The following SLC4A4 variants were observed in gnomAD, a reference collection of about 807,000 sequenced individuals.
The protein encoded by SLC4A4 is electrogenic sodium bicarbonate cotransporter 1.
In SLC4A4, 27 loss-of-function variants were observed where a neutral mutation model predicts 111.5. That is an observed-to-expected ratio of 0.24 (90% CI 0.18 to 0.33). SLC4A4 has a LOEUF of 0.33. Among genes scored for constraint, SLC4A4 ranks in the 10% least tolerant of loss-of-function variants. SLC4A4 has a pLI of 1.00. For synonymous variants in SLC4A4, 443 were observed against 463.4 expected (o/e 0.96, Z 0.57); for missense variants, 909 against 1,315.5 (o/e 0.69, Z 4.78).
At chr4:71,509,520 T>C (rs926279731) in intron 16 of SLC4A4, among the ~76,000 whole-genome samples, 4 of 152,178 alleles carry the variant, frequency 2.6e-5, no homozygotes, top group African/African-American at 9.6e-5. Context: ...AGCTTAATTT[T>C]TGTAAGCAAT....
At chr4:71,530,807 C>T (rs565519740) in intron 16 of SLC4A4, among the ~76,000 whole-genome samples, 1 of 152,252 alleles carries the variant, frequency 6.6e-6, no homozygotes, top group African/African-American at 2.4e-5. Context: ...TGCAGTAATA[C>T]TATTCTCTTT....
intron 3 of SLC4A4, among the ~76,000 whole-genome samples, chr4:71,320,082 T>C (rs1727001849): frequency 6.6e-6 from 1 of 151,952 alleles, no homozygotes. Context: ...GATTGGAGGG[T>C]CTTTAGTATC....
At chr4:71,484,654 T>C (rs1729205034) in intron 14 of SLC4A4, among the ~76,000 whole-genome samples, 1 of 151,678 alleles carries the variant, frequency 6.6e-6, no homozygotes, top group South Asian at 2.1e-4. Flanking sequence ...TTGTTTCATA[T>C]AAATTTTAAA....
chr4:71,168,910 A>G (rs1222664445), intron 2 of SLC4A4, among the ~76,000 whole-genome samples: 4 of 152,214 alleles, frequency 2.6e-5, no homozygotes, highest in Non-Finnish European at 2.9e-5. Flanking sequence ...TGCTGCAATA[A>G]ACATGGGCAT....
chr4:71,238,314 G>T (rs1336433894), intron 2 of SLC4A4, among the ~76,000 whole-genome samples: 1 of 152,128 alleles, frequency 6.6e-6, no homozygotes, highest in Non-Finnish European at 1.5e-5. Context: ...GTTTCTTAAG[G>T]CTTTGACTAA....
chr4:71,096,844 C>T (rs962911860), intron 2 of SLC4A4, among the ~76,000 whole-genome samples: 1 of 152,134 alleles, frequency 6.6e-6, no homozygotes, highest in African/African-American at 2.4e-5. Flanking sequence ...CTTTTGTCTA[C>T]CTTGTTTTAA....
At chr4:71,076,016 G>A (rs913459176) in intron 1 of SLC4A4, among the ~76,000 whole-genome samples, 10 of 149,628 alleles carry the variant, frequency 6.7e-5, no homozygotes, top group African/African-American at 2.0e-4. Flanking sequence ...TAGCAATCCC[G>A]TCAACCTGCC....
intron 2 of SLC4A4, among the ~76,000 whole-genome samples, chr4:71,138,762 C>T (rs1025886449): frequency 1.8e-4 from 27 of 152,074 alleles, no homozygotes; most frequent in African/African-American, 3.9e-4. Flanking sequence ...GTTGGCCGGG[C>T]GCGGTGGCTC....
chr4:71,494,611 G>A (rs532327191), intron 15 of SLC4A4, among the ~76,000 whole-genome samples: 1 of 152,136 alleles, frequency 6.6e-6, no homozygotes, highest in African/African-American at 2.4e-5. Context: ...CACCATGCCA[G>A]TACTGTCTTG....
chr4:71,126,912 G>A (rs2840075), intron 2 of SLC4A4, among the ~76,000 whole-genome samples: 12,957 of 152,180 alleles, frequency 0.085, 712 homozygotes, highest in South Asian at 0.2. Flanking sequence ...GCACCTTTAC[G>A]TCACCACCAC....
At chr4:71,493,753 C>G (rs5859266) in intron 15 of SLC4A4, among the ~76,000 whole-genome samples, 108,763 of 150,958 alleles carry the variant, frequency 0.72, 40,251 homozygotes, top group Non-Finnish European at 0.82. Flanking sequence ...TTTCATCCCC[C>G]TAACCAGATT....
chr4:71,423,063 C>T (rs1233398652), intron 7 of SLC4A4, among the ~76,000 whole-genome samples: 10 of 152,164 alleles, frequency 6.6e-5, no homozygotes, highest in Admixed American at 1.3e-4. Flanking sequence ...TGTTTGCAGA[C>T]GACATGGTTG....
chr4:71,344,483 A>G (rs1195061412), intron 4 of SLC4A4, among the ~76,000 whole-genome samples: 1 of 152,188 alleles, frequency 6.6e-6, no homozygotes, highest in Admixed American at 6.6e-5. Context: ...TTTAATGCTT[A>G]GAAGGAATCC....
chr4:71,175,758 C>T (rs374939097), intron 2 of SLC4A4, among the ~76,000 whole-genome samples: 1 of 152,192 alleles, frequency 6.6e-6, no homozygotes, highest in Non-Finnish European at 1.5e-5. Context: ...GGGGGCAGGG[C>T]ATAGCCAAAC....
chr4:71,427,582 G>T (rs973432347), intron 7 of SLC4A4, among the ~76,000 whole-genome samples: 1 of 151,952 alleles, frequency 6.6e-6, no homozygotes, highest in Non-Finnish European at 1.5e-5. Flanking sequence ...CCAGTCATTT[G>T]ATCTTGTCTT....
chr4:71,147,275 ATTTC>A (rs1423460463), intron 2 of SLC4A4, among the ~76,000 whole-genome samples: 2 of 151,800 alleles, frequency 1.3e-5, no homozygotes, highest in Non-Finnish European at 2.9e-5. Flanking sequence ...CTCCTCTTAA[ATTTC>A]TTTATTTTTC....
In SLC4A4 at chr4:71,534,243, G is replaced by A. The variant is rs1176907910; in HGVS notation, c.2297G>A (p.Arg766Gln). ...PSEFKPTSPN[R>Q]GWFVPPFGEN... ...TTTTTCAAGCCAACAAGTCCAAACC[G>A]AGGTTGGTTCGTTCCACCGTTTGGA... Residue 766 changes from arginine (R) to glutamine (Q), a missense_variant, in exon 18 of 26, where the codon CGA (arginine) becomes CAA (glutamine). By Grantham distance (43) the Arg-to-Gln change is conservative (BLOSUM62 1). Coordinates refer to ENST00000264485, the MANE Select transcript of SLC4A4 (RefSeq NM_001098484.3). 1.2e-6 allele frequency: 2 copies of A among 1,613,540 alleles called. No homozygotes were observed. The highest frequency in any genetic ancestry group is 1.1e-5 in the South Asian group (1 of 91,072).
chr4:71,078,037 A>G (rs1381975805), intron 1 of SLC4A4, among the ~76,000 whole-genome samples: 1 of 152,182 alleles, frequency 6.6e-6, no homozygotes, highest in Non-Finnish European at 1.5e-5. Context: ...CTTGCAAAAA[A>G]TCTTGATAAG....
chr4:71,476,189 C>T (rs1364754197), intron 14 of SLC4A4, among the ~76,000 whole-genome samples: 1 of 151,764 alleles, frequency 6.6e-6, no homozygotes, highest in African/African-American at 2.4e-5. Flanking sequence ...AACCTTAGTA[C>T]TTTTTGACAA....
Sources: allele counts gnomAD v4.1 joint callset (sites outside exome capture counted in the v4.1 genomes callset), GRCh38; gene constraint gnomAD v4.1.1; transcripts MANE v1.5; gene names NCBI Gene and HGNC (gene_info 2026-07-23, HGNC 2026-07-21).